ADAMTS18: variants seen among roughly 807,000 people sequenced by gnomAD.
ADAMTS18 encodes ADAM metallopeptidase with thrombospondin type 1 motif 18, also known as A disintegrin and metalloproteinase with thrombospondin motifs 18.
In ADAMTS18, 157 loss-of-function variants were observed where a neutral mutation model predicts 165.9. The ratio of observed to expected loss-of-function variants is 0.95; its 90% CI spans 0.83 to 1.08. ADAMTS18 has a LOEUF of 1.08. Among genes scored for constraint, ADAMTS18 ranks in the 50% least tolerant of loss-of-function variants. ADAMTS18 has a pLI of 0.00. For synonymous variants in ADAMTS18, 782 were observed against 578.2 expected (o/e 1.35, Z -5.06); for missense variants, 2,040 against 1,534.0 (o/e 1.33, Z -5.51).
At chr16:77,367,120 G>C (rs1238089635) in intron 4 of ADAMTS18, among the ~76,000 whole-genome samples, 2 of 152,054 alleles carry the variant, frequency 1.3e-5, no homozygotes, top group Non-Finnish European at 2.9e-5. Context: ...ACCACACCTA[G>C]ACATTTACCT....
intron 3 of ADAMTS18, among the ~76,000 whole-genome samples, chr16:77,386,810 T>C (rs28404621): frequency 0.024 from 3,610 of 152,316 alleles, 152 homozygotes; most frequent in African/African-American, 0.083. Context: ...TACATTTGCA[T>C]GTAACTTATT....
At chr16:77,316,573 C>G (rs929583658) in intron 16 of ADAMTS18, among the ~76,000 whole-genome samples, 1 of 152,188 alleles carries the variant, frequency 6.6e-6, no homozygotes, top group Non-Finnish European at 1.5e-5. Flanking sequence ...CCTGACTATA[C>G]CCATCTCACA....
intron 3 of ADAMTS18, among the ~76,000 whole-genome samples, chr16:77,413,949 T>C (rs1273302361): frequency 6.6e-6 from 1 of 152,150 alleles, no homozygotes; most frequent in African/African-American, 2.4e-5. Flanking sequence ...ATTTAGTCTC[T>C]ATTTTAAATT....
intron 12 of ADAMTS18, among the ~76,000 whole-genome samples, chr16:77,328,828 A>G (rs1379909899): frequency 6.6e-6 from 1 of 152,340 alleles, no homozygotes; most frequent in African/African-American, 2.4e-5. Flanking sequence ...GGAAAAGACC[A>G]CCAAATTCAT....
chr16:77,407,025 C>T (rs2057401507), intron 3 of ADAMTS18, among the ~76,000 whole-genome samples: 1 of 151,880 alleles, frequency 6.6e-6, no homozygotes, highest in South Asian at 2.1e-4. Flanking sequence ...TTATTCATAC[C>T]CCAGACCTCA....
intron 3 of ADAMTS18, among the ~76,000 whole-genome samples, chr16:77,392,641 C>G (rs1001313633): frequency 1.3e-5 from 2 of 152,084 alleles, no homozygotes; most frequent in African/African-American, 4.8e-5. Flanking sequence ...AGTGCAGGCA[C>G]CAGGGATACA....
At chr16:77,306,704 C>G (rs1361172850) in intron 16 of ADAMTS18, among the ~76,000 whole-genome samples, 2 of 152,156 alleles carry the variant, frequency 1.3e-5, no homozygotes, top group Non-Finnish European at 2.9e-5. Context: ...ATTAACAATG[C>G]CTATTGAGTG....
At chr16:77,373,402 T>G (rs964995828) in intron 3 of ADAMTS18, among the ~76,000 whole-genome samples, 12 of 147,550 alleles carry the variant, frequency 8.1e-5, no homozygotes, top group African/African-American at 3.0e-4. Flanking sequence ...GAGGTTGCAG[T>G]GAGCTGAGAT....
intron 12 of ADAMTS18, 57 bp downstream of exon 12, chr16:77,335,699 G>A (rs370668110): frequency 4.0e-5 from 64 of 1,598,446 alleles, no homozygotes; most frequent in Admixed American, 3.2e-4. Context: ...AAAAACCAGC[G>A]TGTTACAGGC....
chr16:77,360,435 C>T (rs1252311904), intron 7 of ADAMTS18, among the ~76,000 whole-genome samples: 1 of 152,132 alleles, frequency 6.6e-6, no homozygotes, highest in Admixed American at 6.5e-5. Context: ...AAGCCCATGC[C>T]CTTTGCATTA....
At position 77,359,894 on chromosome 16, in the gene ADAMTS18, C is replaced by T. The variant is rs112333435; in HGVS notation, c.1217-471G>A. 5.3e-3 allele frequency among the ~76,000 whole-genome samples: 803 copies of T among 152,262 alleles called. 10 individuals are homozygous for T. The highest frequency in any genetic ancestry group is 0.019 in the African/African-American group (774 of 41,556). The stretch of plus-strand genomic sequence containing the variant: ...CCTGGTCTTTTACTAGAGCAGAAAA[C>T]ATGAAAATGTCTAAGCAACATGTGC... On this transcript the variant is annotated intron_variant, in intron 7 of 22. Coordinates refer to ENST00000282849, the MANE Select transcript of ADAMTS18 (RefSeq NM_199355.4).
At chr16:77,367,951 A>G (rs1291033891) in intron 3 of ADAMTS18, among the ~76,000 whole-genome samples, 1 of 152,174 alleles carries the variant, frequency 6.6e-6, no homozygotes, top group Non-Finnish European at 1.5e-5. Flanking sequence ...AACATGGCCC[A>G]CTGCAGCCTT....
chr16:77,346,999 T>A (rs2056486782), intron 10 of ADAMTS18, among the ~76,000 whole-genome samples: 1 of 152,194 alleles, frequency 6.6e-6, no homozygotes, highest in African/African-American at 2.4e-5. Flanking sequence ...CCATTCTGAT[T>A]TCGGTCACCA....
At chr16:77,410,863 T>C (rs1001750132) in intron 3 of ADAMTS18, among the ~76,000 whole-genome samples, 3 of 152,212 alleles carry the variant, frequency 2.0e-5, no homozygotes, top group Non-Finnish European at 4.4e-5. Context: ...ATGCATTTAG[T>C]GCGACAAATC....
intron 3 of ADAMTS18, among the ~76,000 whole-genome samples, chr16:77,423,874 A>T (rs182642648): frequency 3.9e-4 from 59 of 152,268 alleles, no homozygotes; most frequent in African/African-American, 1.4e-3. Context: ...AAAAGGCCTT[A>T]AGGCAAGACA....
intron 3 of ADAMTS18, among the ~76,000 whole-genome samples, chr16:77,386,911 G>A (rs1352634662): frequency 6.6e-6 from 1 of 152,122 alleles, no homozygotes; most frequent in Non-Finnish European, 1.5e-5. Flanking sequence ...AATTCTTGGT[G>A]CTGTCCTACA....
chr16:77,369,762 G>A (rs747785114), intron 3 of ADAMTS18, among the ~76,000 whole-genome samples: 1 of 152,134 alleles, frequency 6.6e-6, no homozygotes, highest in African/African-American at 2.4e-5. Flanking sequence ...GCATCACCCT[G>A]ATACCCAAAT....
chr16:77,411,903 G>T (rs1322619369), intron 3 of ADAMTS18, among the ~76,000 whole-genome samples: 2 of 151,712 alleles, frequency 1.3e-5, no homozygotes, highest in East Asian at 1.9e-4. Context: ...TGGCCAGGAT[G>T]GTCTTGAACT....
chr16:77,355,436 A>G (rs2056615133), intron 9 of ADAMTS18, among the ~76,000 whole-genome samples: 1 of 152,184 alleles, frequency 6.6e-6, no homozygotes, highest in African/African-American at 2.4e-5. Context: ...TCTATTCATT[A>G]AAACACAAAC....
Sources: gnomAD v4.1 joint callset for allele counts (sites outside exome capture counted in the v4.1 genomes callset) on GRCh38, gnomAD v4.1.1 for gene constraint, MANE v1.5 for transcripts, NCBI Gene and HGNC (gene_info 2026-07-23, HGNC 2026-07-21) for gene names.